Variants in SMIM14 observed in about 807,000 individuals in gnomAD.
SMIM14 encodes chromosome 4 open reading frame 34.
SMIM14 carries 5 observed loss-of-function variants against 12.6 expected under a neutral mutation model. The observed-to-expected ratio is 0.40, with a 90% CI of 0.21 to 0.83. SMIM14 has a LOEUF of 0.83. SMIM14 is among the 40% of genes least tolerant of loss of function. The probability of loss-of-function intolerance (pLI) is 0.37; values close to 1 mark genes in which losing one functional copy is unlikely to be tolerated. For synonymous variants in SMIM14, 30 were observed against 40.1 expected (o/e 0.75, Z 0.95); for missense variants, 86 against 119.1 (o/e 0.72, Z 1.29).
chr4:39,576,632 T>C (rs367593403), intron 2 of SMIM14, among the ~76,000 whole-genome samples: 1 of 135,408 alleles, frequency 7.4e-6, no homozygotes, highest in East Asian at 2.3e-4. Flanking sequence ...CCAATGTATA[T>C]AACTTATACC....
At chr4:39,593,641 A>G (rs967396940) in intron 2 of SMIM14, 26 of 152,192 alleles carry the variant, frequency 1.7e-4, no homozygotes, top group African/African-American at 6.0e-4. Flanking sequence ...ATGATTGTAT[A>G]TCTAGAAAAC....
At chr4:39,582,530 G>A (rs1247312031) in intron 2 of SMIM14, among the ~76,000 whole-genome samples, 1 of 151,752 alleles carries the variant, frequency 6.6e-6, no homozygotes, top group Non-Finnish European at 1.5e-5. Flanking sequence ...TGGGTGTGGT[G>A]GTGCACGGCT....
intron 3 of SMIM14, among the ~76,000 whole-genome samples, chr4:39,562,524 T>C (rs1560283909): frequency 6.6e-6 from 1 of 152,206 alleles, no homozygotes; most frequent in African/African-American, 2.4e-5. Flanking sequence ...TGTCTCACTC[T>C]GTCTCCCAGG....
chr4:39,619,887 T>TC (rs1419210317), intron 1 of SMIM14, among the ~76,000 whole-genome samples: 2 of 143,080 alleles, frequency 1.4e-5, no homozygotes, highest in African/African-American at 5.1e-5. Flanking sequence ...TTTTTTTTTT[T>TC]TTAAGAGCAA....
intron 1 of SMIM14, among the ~76,000 whole-genome samples, chr4:39,632,897 T>TA (rs1234432827): frequency 2.0e-5 from 3 of 150,352 alleles, no homozygotes; most frequent in South Asian, 2.1e-4. Context: ...ATAAATAAAT[T>TA]AAAAAAATAT....
At chr4:39,619,334 A>G (rs1246878482) in intron 1 of SMIM14, among the ~76,000 whole-genome samples, 11 of 69,106 alleles carry the variant, frequency 1.6e-4, no homozygotes, top group Admixed American at 2.1e-4. Context: ...TTTATTCTAT[A>G]TATCAATAAA....
At chr4:39,566,557 G>A (rs1347253266) in intron 3 of SMIM14, among the ~76,000 whole-genome samples, 1 of 152,102 alleles carries the variant, frequency 6.6e-6, no homozygotes, top group Admixed American at 6.6e-5. Context: ...ATGCAGCCAG[G>A]CACAATGGCT....
chr4:39,636,223 T>C (rs555437243), intron 1 of SMIM14, among the ~76,000 whole-genome samples: 24 of 149,108 alleles, frequency 1.6e-4, no homozygotes, highest in Non-Finnish European at 5.9e-5. Context: ...AGTTAAAATC[T>C]TCCAGGACCT....
rs768486707 is a variant in SMIM14, at chr4:39,589,897, G to A, written c.75+15174C>T. ...CTACTAAAAATACAAAAAATTAGCC[G>A]GGTGTGGTGGCGTGCACCTGTAATC... On this transcript the variant is annotated intron_variant, in intron 2 of 4. Coordinates refer to ENST00000295958, the MANE Select transcript of SMIM14 (RefSeq NM_174921.3). 4.0e-5 allele frequency among the ~76,000 whole-genome samples: 6 copies of A among 151,514 alleles called. No homozygotes were observed. The East Asian group carries it at 5.8e-4, about 15-fold the overall frequency.
chr4:39,577,383 G>A (rs1177336301), intron 2 of SMIM14, among the ~76,000 whole-genome samples: 2 of 151,260 alleles, frequency 1.3e-5, no homozygotes, highest in Non-Finnish European at 2.9e-5. Context: ...CAGTAGAAAA[G>A]AATACAGTTT....
intron 3 of SMIM14, among the ~76,000 whole-genome samples, chr4:39,559,386 CAA>C (rs33993674): frequency 1.7e-5 from 2 of 120,964 alleles, no homozygotes; most frequent in Admixed American, 8.1e-5. Context: ...AAGACCCTGT[CAA>C]AAAAAAAAAA....
intron 1 of SMIM14, among the ~76,000 whole-genome samples, chr4:39,625,695 T>C (rs572252238): frequency 6.6e-6 from 1 of 152,342 alleles, no homozygotes; most frequent in African/African-American, 2.4e-5. Context: ...TCTCCCAAAG[T>C]GCTGGGATGA....
chr4:39,552,583 A>G (rs879505003), intron 4 of SMIM14, among the ~76,000 whole-genome samples: 1 of 152,222 alleles, frequency 6.6e-6, no homozygotes, highest in Non-Finnish European at 1.5e-5. Flanking sequence ...TTGTTTCTCA[A>G]TACTGAATGT....
chr4:39,606,639 CAAA>C (rs71192881), intron 1 of SMIM14, among the ~76,000 whole-genome samples: 94,747 of 125,936 alleles, frequency 0.75, 35,172 homozygotes, highest in Non-Finnish European at 0.82. Context: ...GACTCCGTCT[CAAA>C]AAAAAAAAAA....
At chr4:39,631,009 G>A (rs896973304) in intron 1 of SMIM14, among the ~76,000 whole-genome samples, 3 of 152,118 alleles carry the variant, frequency 2.0e-5, no homozygotes, top group Non-Finnish European at 2.9e-5. Flanking sequence ...TTTCCCAAGA[G>A]TAACAAAGCA....
chr4:39,626,726 C>T (rs887772429), intron 1 of SMIM14, among the ~76,000 whole-genome samples: 1 of 152,134 alleles, frequency 6.6e-6, no homozygotes, highest in Middle Eastern at 3.2e-3. Flanking sequence ...TTGGAGAAAG[C>T]TCAAAACTCA....
chr4:39,575,331 C>T (rs1315462826), intron 2 of SMIM14, among the ~76,000 whole-genome samples: 1 of 151,754 alleles, frequency 6.6e-6, no homozygotes, highest in Non-Finnish European at 1.5e-5. Flanking sequence ...GCATGTGCCA[C>T]CAAGCCCAGT....
chr4:39,574,853 G>A (rs999474310), intron 2 of SMIM14, among the ~76,000 whole-genome samples: 2 of 152,048 alleles, frequency 1.3e-5, no homozygotes, highest in Admixed American at 6.6e-5. Context: ...CCTGTTTGGA[G>A]CCAGGCCCGG....
At chr4:39,587,389 C>T (rs1483495340) in intron 2 of SMIM14, among the ~76,000 whole-genome samples, 3 of 147,352 alleles carry the variant, frequency 2.0e-5, no homozygotes, top group Non-Finnish European at 3.0e-5. Context: ...CCCAGCTACT[C>T]GGGAGGCTGA....
Sources: allele counts gnomAD v4.1 joint callset (sites outside exome capture counted in the v4.1 genomes callset), GRCh38; gene constraint gnomAD v4.1.1; transcripts MANE v1.5; gene names NCBI Gene and HGNC (gene_info 2026-07-23, HGNC 2026-07-21).